PC: variants seen among roughly 807,000 people sequenced by gnomAD.
PC encodes pyruvate carboxylase.
Under a neutral mutation model 107.8 loss-of-function variants are expected in PC, and 46 were observed. The ratio of observed to expected loss-of-function variants is 0.43; its 90% CI spans 0.34 to 0.55. The LOEUF is 0.55. PC is among the 20% of genes least tolerant of loss of function. The pLI is 0.04. For synonymous variants in PC, 662 were observed against 684.7 expected (o/e 0.97, Z 0.52); for missense variants, 1,241 against 1,643.1 (o/e 0.76, Z 4.23).
chr11:66,859,944 C>T, intron 12 of PC: 5 of 1,595,980 alleles, frequency 3.1e-6, no homozygotes, highest in Non-Finnish European at 4.3e-6. Context: ...CCCCCTCAAG[C>T]TCAGCCACGT....
rs759478441 is a variant in PC, at chr11:66,858,796, G to A, written c.1368+4978C>T. 1.3e-6 allele frequency: 2 copies of A among 1,549,586 alleles called. No individual in the cohort carries two copies. Among genetic ancestry groups the A allele is most frequent in the South Asian group, 1.2e-5 (1 of 84,566 alleles). ...GCTGGGGACGCTGGGGGCTACACCT[G>A]CATCGCCACCAACCCTGCTGGTGAG... On this transcript the variant is annotated intron_variant, in intron 12 of 22. Transcript: ENST00000393960. This position sits in a 1 kb window ranked among gnomAD's most constrained non-coding sequence, Gnocchi z 5.9.
At chr11:66,859,905 C>T (rs1374224185) in intron 12 of PC, 7 of 1,577,176 alleles carry the variant, frequency 4.4e-6, no homozygotes, top group South Asian at 3.5e-5. Context: ...CTTGCTGGTT[C>T]GGGGCCGGGG....
At chr11:66,860,844 G>A (rs1343283604) in intron 12 of PC, among the ~76,000 whole-genome samples, 1 of 152,232 alleles carries the variant, frequency 6.6e-6, no homozygotes, top group Admixed American at 6.5e-5. Context: ...ACTGGACTAA[G>A]CAACAGGAGG....
rs543923570 is a variant in PC at position 66,944,301 on chromosome 11, G to A, written c.-1+8129C>T. Among the ~76,000 whole-genome samples, 35 of 110,080 alleles carry A rather than the reference G, an allele frequency of 3.2e-4. 9 individuals carry two copies. Among genetic ancestry groups the A allele is most frequent in the Admixed American group, 1.9e-3 (22 of 11,620 alleles). The allele number at this position is 110,080 out of a possible 152,430, so 72.2% of individuals were successfully genotyped here. ...GTCTCAGAAAAAACAACTTCAGGCC[G>A]GCCGCAATGGCTCACACCTGTAATC... On this transcript the variant is annotated intron_variant, in intron 3 of 22. Coordinates refer to ENST00000393960, the MANE Select transcript of PC (RefSeq NM_001040716.2).
chr11:66,941,078 TAAAAAAAAA>T (rs56790474), intron 3 of PC, among the ~76,000 whole-genome samples: 4 of 83,902 alleles, frequency 4.8e-5, no homozygotes, highest in Admixed American at 1.5e-4. Flanking sequence ...AGACTCCATC[TAAAAAAAAA>T]AAAAAAAAAA....
chr11:66,897,582 T>C (rs1479041351), intron 3 of PC, among the ~76,000 whole-genome samples: 1 of 151,912 alleles, frequency 6.6e-6, no homozygotes. Flanking sequence ...AAAAAATAAA[T>C]AAACAAAAAG....
In PC at chr11:66,870,920, AC is replaced by A. The variant is rs1565244149; in HGVS notation, c.634-29del. ...GCGAGGGCGGGCAGGGGCCAGCCAG[AC>A]CTCAGACCCCACAGCGCTACCTCTC... On this transcript the variant is annotated intron_variant, in intron 7 of 22. Coordinates refer to ENST00000393960, the MANE Select transcript of PC (RefSeq NM_001040716.2). This position sits in a 1 kb window ranked among gnomAD's most constrained non-coding sequence, Gnocchi z 6.1. The A allele has an allele frequency of 6.2e-7, 1 of 1,605,834 alleles. No homozygotes were observed. Among genetic ancestry groups the A allele is most frequent in the Admixed American group, 1.7e-5 (1 of 59,996 alleles).
chr11:66,913,385 C>T (rs998220037), intron 3 of PC, among the ~76,000 whole-genome samples: 2 of 151,946 alleles, frequency 1.3e-5, no homozygotes, highest in Non-Finnish European at 2.9e-5. Flanking sequence ...ACATGATTCC[C>T]ACTAAAGAAA....
intron 3 of PC, among the ~76,000 whole-genome samples, chr11:66,925,501 A>G (rs1047966687): frequency 4.0e-4 from 61 of 152,380 alleles, no homozygotes; most frequent in Admixed American, 1.5e-3. Context: ...ACCGGCAGTC[A>G]GAGCTTAAGG....
At chr11:66,859,424 C>T (rs1464043994) in intron 12 of PC, among the ~76,000 whole-genome samples, 1 of 152,246 alleles carries the variant, frequency 6.6e-6, no homozygotes, top group Non-Finnish European at 1.5e-5. Context: ...GTGCCATCCC[C>T]CCACCCCATT....
At position 66,870,779 on chromosome 11, in the gene PC, G is replaced by C. The variant is rs566631933; in HGVS notation, c.747C>G (p.Ile249Met). 3.1e-6 allele frequency: 5 copies of C among 1,612,232 alleles called. No individual in the cohort carries two copies. The highest frequency in any genetic ancestry group is 2.2e-5 in the South Asian group (2 of 91,072). Residue 249 changes from isoleucine (I) to methionine (M), a missense_variant, in exon 8 of 23, where the codon ATC becomes ATG. Physicochemically the swap from Ile to Met is conservative, Grantham distance 10. Around this residue, in one of 2 missense-constraint regions of PC, gnomAD observed 1,143 missense variants for 1,551.9 expected, o/e 0.74. Coordinates refer to ENST00000393960, the MANE Select transcript of PC (RefSeq NM_001040716.2). The surrounding 1 kb of genome is among the most constrained non-coding windows in gnomAD (Gnocchi z 6.1). The stretch of plus-strand genomic sequence containing the variant: ...CGGGGCGTCAGGACCACTCACCCAA[G>C]ATCTGCACCTCGATGTGCCGTGGCT... ...IEKPRHIEVQILGDQYGNILH... is the reference protein window; with the variant it reads ...IEKPRHIEVQMLGDQYGNILH...
Position 66,848,628 on chromosome 11 carries a change from T to C in PC, c.*271A>G. ...GGACCCCTAAACCTCCCCTGGGTCC[T>C]AGGACCACCTGACCCACCACTTGTA... is the stretch of plus-strand genomic sequence containing the variant. On this transcript the variant is annotated 3_prime_UTR_variant, in exon 23 of 23. Transcript: ENST00000393960. The C allele has an allele frequency of 1.6e-6, 1 of 607,264 alleles. No homozygotes were observed. Among genetic ancestry groups the C allele is most frequent in the Middle Eastern group, 4.4e-4 (1 of 2,284 alleles). The allele number at this position is 607,264 out of a possible 1,614,324, so 37.6% of individuals were successfully genotyped here. A position where few individuals can be genotyped will look rare whatever the true frequency, so the allele number is the denominator to read the frequency against.
In PC at chr11:66,910,953, C is replaced by T. The variant is rs1229603321; in HGVS notation, c.1-38794G>A. Among the ~76,000 whole-genome samples the T allele has an allele frequency of 2.0e-5, 3 of 152,218 alleles. No individual in the cohort carries two copies. In the East Asian group the frequency reaches 5.8e-4, roughly 29 times the overall value. Reference sequence around the variant, plus strand: ...CTCCAACACTTAAGTCGCTCTTCAACTTGGGAATTTACGTAACCTTCTGAA... The same window carrying T: ...CTCCAACACTTAAGTCGCTCTTCAATTTGGGAATTTACGTAACCTTCTGAA... On this transcript the variant is annotated intron_variant, in intron 3 of 22. Coordinates refer to ENST00000393960, the MANE Select transcript of PC (RefSeq NM_001040716.2).
At chr11:66,851,981 C>T in intron 15 of PC, 35 bp from the exon 16 acceptor site, 3 of 1,610,796 alleles carry the variant, frequency 1.9e-6, no homozygotes, top group South Asian at 1.1e-5. Context: ...ATCAGCTCTG[C>T]ATGCCTGGGG....
At chr11:66,956,197 C>G (rs1949557156) in intron 1 of PC, among the ~76,000 whole-genome samples, 1 of 152,202 alleles carries the variant, frequency 6.6e-6, no homozygotes, top group Non-Finnish European at 1.5e-5. Flanking sequence ...TCCCAGTGAC[C>G]AATCAAGTTT....
chr11:66,872,240 C>CCA (rs2135944935), intron 3 of PC, 81 bp from the exon 4 acceptor site: 1 of 1,458,678 alleles, frequency 6.9e-7, no homozygotes, highest in East Asian at 2.5e-5. Context: ...CTTCCCAACC[C>CCA]CACAGTGGCC....
At position 66,860,435 on chromosome 11, in the gene PC, G is replaced by C. The variant is rs970898084; in HGVS notation, c.1368+3339C>G. ...CAGGGGCTGCAGCCACCCACTGGGA[G>C]TCTTGTTTTTATTTATAATAAAATT... On this transcript the variant is annotated intron_variant, in intron 12 of 22. Coordinates refer to ENST00000393960, the MANE Select transcript of PC (RefSeq NM_001040716.2). The C allele has an allele frequency of 5.7e-6, 4 of 706,570 alleles. No individual in the cohort carries two copies. In the African/African-American group the frequency reaches 7.0e-5, roughly 12 times the overall value. The allele number at this position is 706,570 out of a possible 1,614,324, so 43.8% of individuals were successfully genotyped here.
At chr11:66,917,535 A>C (rs1948491432) in intron 3 of PC, among the ~76,000 whole-genome samples, 1 of 152,198 alleles carries the variant, frequency 6.6e-6, no homozygotes, top group South Asian at 2.1e-4. Context: ...TTCTAGAACT[A>C]AGCTCCAAGG....
In PC at chr11:66,870,452, C is replaced by T. The variant is rs1351471340; in HGVS notation, c.753G>A (p.Gly251=). Residue 251 remains glycine (G), a splice_region_variant and synonymous_variant, in exon 9 of 23, where the codon GGG becomes GGA. Transcript: ENST00000393960. This position sits in a 1 kb window ranked among gnomAD's most constrained non-coding sequence, Gnocchi z 6.1. ...GGTGCAGGATGTTCCCATACTGGTC[C>T]CCTGGGGAGGGAGGTAAACTGGGCT... ...KPRHIEVQIL[G]DQYGNILHLY... 1 of 1,613,274 alleles carries T rather than the reference C, an allele frequency of 6.2e-7. No individual in the cohort carries two copies. Among genetic ancestry groups the T allele is most frequent in the South Asian group, 1.1e-5 (1 of 91,086 alleles).
Sources: gnomAD v4.1 joint callset for allele counts (sites outside exome capture counted in the v4.1 genomes callset) on GRCh38, gnomAD v4.1.1 for gene constraint, gnomAD v4.1.1 regional missense constraint, Gnocchi (gnomAD v3.1) non-coding constraint, MANE v1.5 for transcripts, NCBI Gene and HGNC (gene_info 2026-07-23, HGNC 2026-07-21) for gene names.